The following SLC4A8 variants were observed in gnomAD, a reference collection of about 807,000 sequenced individuals.
SLC4A8 encodes solute carrier family 4 member 8, also known as electroneutral sodium bicarbonate exchanger 1.
SLC4A8 carries 40 observed loss-of-function variants against 125.0 expected under a neutral mutation model. That is an observed-to-expected ratio of 0.32 (90% CI 0.25 to 0.42). The LOEUF (loss-of-function observed/expected upper bound fraction) is 0.42, where lower values mean the gene tolerates loss of function less well. SLC4A8 is among the 10% of genes least tolerant of loss of function. The probability of loss-of-function intolerance (pLI) is 1.00; values close to 1 mark genes in which losing one functional copy is unlikely to be tolerated. For missense variants in SLC4A8, 863 were observed against 1,355.1 expected (o/e 0.64, Z 5.70); for synonymous variants, 456 against 476.0 (o/e 0.96, Z 0.55).
chr12:51,460,157 T>A, intron 8 of SLC4A8, 49 bp downstream of exon 8: 1 of 1,441,772 alleles, frequency 6.9e-7, no homozygotes, highest in Non-Finnish European at 9.8e-7. Flanking sequence ...TTCAAATTTA[T>A]GTAGTGCTGG....
intron 2 of SLC4A8, among the ~76,000 whole-genome samples, chr12:51,450,251 C>T (rs577052570): frequency 1.3e-5 from 2 of 152,244 alleles, no homozygotes; most frequent in Middle Eastern, 3.4e-3. Flanking sequence ...AGGATGAATA[C>T]ATCCTAGGCT....
intron 23 of SLC4A8, 36 bp downstream of exon 23, chr12:51,504,156 G>A (rs371068290): frequency 9.2e-5 from 117 of 1,269,486 alleles, no homozygotes; most frequent in Non-Finnish European, 1.2e-4. Context: ...TTACTTTTGG[G>A]TTATTCTCTA....
rs1212448904 is a variant in SLC4A8, at chr12:51,457,397, C to T, written c.621C>T (p.Ser207=). The change falls in exon 6 of 25, where the codon AGC becomes AGT. Residue 207 remains serine (S), a synonymous_variant. Transcript: ENST00000453097. ...AACTGTCCAGTGACCTGAATGACAG[C>T]ATGAGGGTTAAAGTGCGGGAAGCCC... ...QQELSSDLND[S]MRVKVREALL... is the part of the protein sequence containing the mutation. 6.2e-7 allele frequency: 1 copy of T among 1,613,968 alleles called. No individual in the cohort carries two copies. The highest frequency in any genetic ancestry group is 8.5e-7 in the Non-Finnish European group (1 of 1,179,898).
Position 51,401,370 on chromosome 12 carries a change from C to A in SLC4A8, c.-112+9882C>A, listed in dbSNP as rs981167395. Reference sequence around the variant, plus strand: ...AAGGTTTTATTGATTTTAAGTAGCTCTCAGTAGATAGGGGAGCCAGAAGGG... The same window carrying A: ...AAGGTTTTATTGATTTTAAGTAGCTATCAGTAGATAGGGGAGCCAGAAGGG... On this transcript the variant is annotated intron_variant, in intron 1 of 24. Transcript: ENST00000358657. Among the ~76,000 whole-genome samples, 6 of 152,260 alleles carry A rather than the reference C, an allele frequency of 3.9e-5. No individual in the cohort carries two copies. In the East Asian group the frequency reaches 1.2e-3, roughly 29 times the overall value.
intron 11 of SLC4A8, chr12:51,466,641 T>A (rs1050375761): frequency 6.6e-6 from 1 of 152,226 alleles, no homozygotes; most frequent in Non-Finnish European, 1.5e-5. Context: ...GAAGCATCCA[T>A]GCCTGATGAA....
intron 1 of SLC4A8, among the ~76,000 whole-genome samples, chr12:51,402,897 T>G (rs1243486720): frequency 6.6e-6 from 1 of 152,120 alleles, no homozygotes; most frequent in African/African-American, 2.4e-5. Flanking sequence ...CACAGCGTTA[T>G]CCCATGGCCA....
At chr12:51,435,629 TAAAC>T (rs1319387624) in intron 1 of SLC4A8, among the ~76,000 whole-genome samples, 2 of 152,072 alleles carry the variant, frequency 1.3e-5, no homozygotes, top group Admixed American at 6.6e-5. Context: ...AATAAATAAA[TAAAC>T]AAATAAAATA....
chr12:51,434,683 C>G (rs2138089202), intron 1 of SLC4A8, among the ~76,000 whole-genome samples: 1 of 152,214 alleles, frequency 6.6e-6, no homozygotes, highest in African/African-American at 2.4e-5. Context: ...TCAATCATCT[C>G]TCCTACCCTC....
At chr12:51,490,040 A>G in intron 19 of SLC4A8, 89 bp downstream of exon 19, 1 of 1,263,078 alleles carries the variant, frequency 7.9e-7, no homozygotes, top group Non-Finnish European at 1.1e-6. Flanking sequence ...GTGGTGCCAA[A>G]TACTTACAAG....
intron 2 of SLC4A8, among the ~76,000 whole-genome samples, chr12:51,442,870 G>A (rs541025760): frequency 6.6e-6 from 1 of 152,192 alleles, no homozygotes; most frequent in East Asian, 1.9e-4. Flanking sequence ...CTGTACTCAG[G>A]GTAGTGTTAT....
intron 16 of SLC4A8, among the ~76,000 whole-genome samples, chr12:51,476,032 C>A (rs1950843891): frequency 6.6e-6 from 1 of 152,182 alleles, no homozygotes; most frequent in South Asian, 2.1e-4. Flanking sequence ...GAAGGGCCCC[C>A]TGAAGGCCTG....
chr12:51,399,095 G>A (rs1259432517), intron 1 of SLC4A8, among the ~76,000 whole-genome samples: 1 of 152,130 alleles, frequency 6.6e-6, no homozygotes, highest in Non-Finnish European at 1.5e-5. Context: ...AATTTCATTA[G>A]GATTGAAGTC....
At chr12:51,443,901 C>G (rs771069802) in intron 2 of SLC4A8, among the ~76,000 whole-genome samples, 2 of 152,190 alleles carry the variant, frequency 1.3e-5, no homozygotes, top group Non-Finnish European at 1.5e-5. Flanking sequence ...CCTATGGTTC[C>G]TGTCCTGCTT....
intron 1 of SLC4A8, among the ~76,000 whole-genome samples, chr12:51,426,482 G>A (rs1407766160): frequency 6.6e-6 from 1 of 152,190 alleles, no homozygotes; most frequent in Admixed American, 6.5e-5. Flanking sequence ...AGAAAGATAG[G>A]CAGTGCCATA....
At chr12:51,480,124 A>G in intron 16 of SLC4A8, 1 of 414,928 alleles carries the variant, frequency 2.4e-6, no homozygotes, top group Non-Finnish European at 4.3e-6. Context: ...TATTTTTAGT[A>G]GAGACGGGGT....
chr12:51,400,096 G>A (rs1948344755), intron 1 of SLC4A8, among the ~76,000 whole-genome samples: 1 of 152,144 alleles, frequency 6.6e-6, no homozygotes, highest in Admixed American at 6.5e-5. Flanking sequence ...GCAGACCCAA[G>A]CACTGCCCCT....
chr12:51,405,461 T>C (rs1375060828), intron 1 of SLC4A8, among the ~76,000 whole-genome samples: 1 of 152,278 alleles, frequency 6.6e-6, no homozygotes, highest in African/African-American at 2.4e-5. Context: ...ATGTTTGCTT[T>C]GAAGAGGTTG....
At chr12:51,504,441 A>G (rs1938077799) in intron 23 of SLC4A8, among the ~76,000 whole-genome samples, 1 of 152,250 alleles carries the variant, frequency 6.6e-6, no homozygotes, top group Non-Finnish European at 1.5e-5. Context: ...GAATATCACT[A>G]TCCACATTTG....
At chr12:51,401,634 G>C (rs1341529860) in intron 1 of SLC4A8, among the ~76,000 whole-genome samples, 1 of 152,140 alleles carries the variant, frequency 6.6e-6, no homozygotes. Flanking sequence ...GTCTCTGCCC[G>C]CTCGGGTCTC....
Sources: gnomAD v4.1 joint callset for allele counts (sites outside exome capture counted in the v4.1 genomes callset) on GRCh38, gnomAD v4.1.1 for gene constraint, MANE v1.5 for transcripts, NCBI Gene and HGNC (gene_info 2026-07-23, HGNC 2026-07-21) for gene names.